Variants in CLEC20A observed in about 807,000 individuals in gnomAD.
The protein encoded by CLEC20A is C-type lectin domain containing 20A, also known as putative C-type lectin domain family 20 member A.
In CLEC20A at chr1:178,490,136, C is replaced by T; in HGVS notation, c.765G>A (p.Met255Ile). ...CTGAGTACACTTTTGGGGAGTAGGT[C>T]ATATAGATGCCAAGAGCTGTGCACA... Residue 255 changes from methionine (M) to isoleucine (I), a missense_variant, in exon 4 of 8, where the codon ATG (methionine) becomes ATA (isoleucine). Met to Ile is a conservative substitution (Grantham distance 10). Transcript: ENST00000623247. 3 of 398,688 alleles carry T rather than the reference C, an allele frequency of 7.5e-6. No individual in the cohort carries two copies. In the East Asian group the frequency reaches 1.1e-4, roughly 14 times the overall value. 24.7% of individuals were successfully genotyped at this position (398,688 alleles called of 1,614,324 possible).
intron 2 of CLEC20A, among the ~76,000 whole-genome samples, chr1:178,493,175 G>C (rs1225166064): frequency 2.0e-5 from 3 of 152,170 alleles, no homozygotes; most frequent in Non-Finnish European, 4.4e-5. Flanking sequence ...GGTGGAGTGT[G>C]GGGACAGTGT....
At chr1:178,483,902 G>A (rs1175062570) in intron 5 of CLEC20A, 3 of 152,120 alleles carry the variant, frequency 2.0e-5, no homozygotes, top group Non-Finnish European at 4.4e-5. Context: ...ATATATTATT[G>A]TAAAATATGT....
chr1:178,490,336 C>T (rs528896970), exon 4 of CLEC20A: 70 of 398,646 alleles, frequency 1.8e-4, no homozygotes, highest in South Asian at 1.1e-3. Flanking sequence ...ATCTGCAGGT[C>T]GGCCAGATCC....
At chr1:178,487,311 C>G (rs1255865641) in intron 5 of CLEC20A, among the ~76,000 whole-genome samples, 1 of 152,152 alleles carries the variant, frequency 6.6e-6, no homozygotes, top group Non-Finnish European at 1.5e-5. Context: ...AGGCTGTTAC[C>G]CAGCTTCTGA....
chr1:178,493,081 A>G (rs372127372), intron 2 of CLEC20A, among the ~76,000 whole-genome samples: 153 of 152,364 alleles, frequency 1.0e-3, no homozygotes, highest in African/African-American at 3.4e-3. Context: ...GGTCAAGGGC[A>G]GACCCAGAGG....
At chr1:178,494,585 G>T (rs1649342079) in exon 2 of CLEC20A, 1 of 399,382 alleles carries the variant, frequency 2.5e-6, no homozygotes, top group Admixed American at 4.4e-5. Context: ...CTCCAGGGCT[G>T]TGAAGGTGGA....
chr1:178,485,596 C>A (rs905607210), intron 5 of CLEC20A, among the ~76,000 whole-genome samples: 1 of 152,232 alleles, frequency 6.6e-6, no homozygotes, highest in African/African-American at 2.4e-5. Flanking sequence ...GTTCACACTT[C>A]TGGTGCAGCA....
intron 1 of CLEC20A, chr1:178,496,042 A>G (rs566775674): frequency 6.6e-6 from 1 of 152,432 alleles, no homozygotes; most frequent in Non-Finnish European, 1.5e-5. Flanking sequence ...GCCAAGGAGA[A>G]CAAGCTCCTC....
exon 5 of CLEC20A, chr1:178,488,599 T>C: frequency 2.5e-6 from 1 of 398,208 alleles, no homozygotes; most frequent in Admixed American, 4.4e-5. Flanking sequence ...AGTGGAGGAG[T>C]CTGCAAGAAA....
intron 7 of CLEC20A, chr1:178,479,839 A>G (rs1015050736): frequency 6.2e-6 from 2 of 323,938 alleles, no homozygotes; most frequent in African/African-American, 2.1e-5. Context: ...AAGAACACTA[A>G]AACAGATGAC....
chr1:178,484,181 G>A (rs1034795487), intron 5 of CLEC20A: 5 of 152,152 alleles, frequency 3.3e-5, no homozygotes, highest in African/African-American at 1.2e-4. Context: ...ATATATGTGT[G>A]TACCTCATAT....
At chr1:178,492,406 G>A (rs911174110) in intron 3 of CLEC20A, 95 bp downstream of exon 3, 11 of 398,410 alleles carry the variant, frequency 2.8e-5, no homozygotes, top group Admixed American at 1.3e-4. Flanking sequence ...CAGAGGGGAC[G>A]CGGGGGTGGA....
intron 3 of CLEC20A, among the ~76,000 whole-genome samples, chr1:178,491,066 T>A (rs1649255734): frequency 6.6e-6 from 1 of 152,216 alleles, no homozygotes; most frequent in Non-Finnish European, 1.5e-5. Context: ...GCAGGCTCAG[T>A]GGCCTTGCCT....
At chr1:178,482,619 T>C in intron 6 of CLEC20A, 1 of 375,476 alleles carries the variant, frequency 2.7e-6, no homozygotes, top group African/African-American at 2.1e-5. Context: ...ATGCGAAGTC[T>C]TCCACAGCCT....
chr1:178,489,078 T>G (rs1649218045), intron 4 of CLEC20A, among the ~76,000 whole-genome samples: 1 of 152,118 alleles, frequency 6.6e-6, no homozygotes, highest in Non-Finnish European at 1.5e-5. Context: ...AAAGGTAAAT[T>G]TTGGCTGGGT....
At chr1:178,485,633 G>A (rs6672334) in intron 5 of CLEC20A, among the ~76,000 whole-genome samples, 39,877 of 152,070 alleles carry the variant, frequency 0.26, 6,948 homozygotes, top group African/African-American at 0.5. Context: ...GACTGTCTCC[G>A]TTAGTTCCTA....
At chr1:178,483,900 T>A (rs1649061921) in intron 5 of CLEC20A, 1 of 152,228 alleles carries the variant, frequency 6.6e-6, no homozygotes, top group African/African-American at 2.4e-5. Flanking sequence ...GAATATATTA[T>A]TGTAAAATAT....
chr1:178,482,107 TAGGAA>T (rs981630850), intron 7 of CLEC20A, 200 bp downstream of exon 7: 36 of 383,020 alleles, frequency 9.4e-5, no homozygotes, highest in Admixed American at 1.4e-4. Context: ...AAAAAAAACT[TAGGAA>T]AGACATTGGA....
intron 4 of CLEC20A, among the ~76,000 whole-genome samples, chr1:178,489,574 G>C (rs1349933634): frequency 6.6e-6 from 1 of 152,034 alleles, no homozygotes; most frequent in Admixed American, 6.6e-5. Context: ...ACAGAACAAG[G>C]ACAATGGCTC....
Sources: gnomAD v4.1 joint callset for allele counts (sites outside exome capture counted in the v4.1 genomes callset) on GRCh38, gnomAD v4.1.1 for gene constraint, MANE v1.5 for transcripts, NCBI Gene and HGNC (gene_info 2026-07-23, HGNC 2026-07-21) for gene names.